ADGRB3: variants seen among roughly 807,000 people sequenced by gnomAD.
ADGRB3 encodes brain-specific angiogenesis inhibitor 3.
A neutral mutation model predicts 193.4 loss-of-function variants in ADGRB3; 37 were observed. That is an observed-to-expected ratio of 0.19 (90% CI 0.15 to 0.25). The LOEUF is 0.25. Among genes scored for constraint, ADGRB3 ranks in the 10% least tolerant of loss-of-function variants. ADGRB3 has a pLI of 1.00. For missense variants in ADGRB3, 1,637 were observed against 1,852.9 expected (o/e 0.88, Z 2.14); for synonymous variants, 690 against 644.2 (o/e 1.07, Z -1.08).
chr6:69,026,496 A>G (rs1205396842), intron 13 of ADGRB3, among the ~76,000 whole-genome samples: 1 of 152,146 alleles, frequency 6.6e-6, no homozygotes, highest in Non-Finnish European at 1.5e-5. Context: ...AGTGGGAGGA[A>G]ATGAAGTCAG....
At chr6:68,755,547 C>T (rs1481460492) in intron 3 of ADGRB3, among the ~76,000 whole-genome samples, 2 of 151,674 alleles carry the variant, frequency 1.3e-5, no homozygotes, top group Non-Finnish European at 2.9e-5. Flanking sequence ...TGACATAGAC[C>T]TGAAAAAAAG....
intron 3 of ADGRB3, among the ~76,000 whole-genome samples, chr6:68,734,927 G>A (rs1354357260): frequency 6.6e-6 from 1 of 151,794 alleles, no homozygotes; most frequent in Non-Finnish European, 1.5e-5. Flanking sequence ...TTTCTACTAG[G>A]GATTTCAGCA....
At position 69,254,755 on chromosome 6, in the gene ADGRB3, C is replaced by G. The variant is rs571717828; in HGVS notation, c.2814+15529C>G. On this transcript the variant is annotated intron_variant, in intron 20 of 31. Coordinates refer to ENST00000370598, the MANE Select transcript of ADGRB3 (RefSeq NM_001704.3). Reference sequence around the variant, plus strand: ...AAGTTTTAGGGTACATGTGCACAATCTGCAGGTTAGTTACATATGTATACA... The same window carrying G: ...AAGTTTTAGGGTACATGTGCACAATGTGCAGGTTAGTTACATATGTATACA... 3.6e-4 allele frequency among the ~76,000 whole-genome samples: 54 copies of G among 150,242 alleles called. No individual in the cohort carries two copies. The South Asian group carries it at 8.2e-3, about 23-fold the overall frequency.
intron 20 of ADGRB3, among the ~76,000 whole-genome samples, chr6:69,293,136 T>C (rs1486215160): frequency 6.6e-6 from 1 of 152,212 alleles, no homozygotes; most frequent in South Asian, 2.1e-4. Flanking sequence ...AGAAAGCCCA[T>C]ACATCTATGT....
intron 23 of ADGRB3, chr6:69,332,158 T>C (rs1768744581): frequency 2.0e-6 from 2 of 985,434 alleles, no homozygotes; most frequent in Non-Finnish European, 2.4e-6. Flanking sequence ...TCGGGGCTCA[T>C]CATAAGCTGG....
intron 17 of ADGRB3, among the ~76,000 whole-genome samples, chr6:69,096,513 C>A (rs1772882102): frequency 6.6e-6 from 1 of 151,810 alleles, no homozygotes; most frequent in South Asian, 2.1e-4. Context: ...TAAAAACTTC[C>A]CTGAATATTA....
chr6:69,279,071 GTATATATATATATATA>G (rs57824884), intron 20 of ADGRB3, among the ~76,000 whole-genome samples: 808 of 71,352 alleles, frequency 0.011, 13 homozygotes, highest in Middle Eastern at 0.02. Flanking sequence ...AAATACATAT[GTATATATATATATATA>G]TATATATATA....
chr6:69,181,194 C>T (rs1215216341), intron 17 of ADGRB3, among the ~76,000 whole-genome samples: 1 of 151,936 alleles, frequency 6.6e-6, no homozygotes, highest in Non-Finnish European at 1.5e-5. Context: ...TGGTGAATTC[C>T]AATTTTCCTT....
intron 3 of ADGRB3, among the ~76,000 whole-genome samples, chr6:68,779,246 G>GTA (rs1195335790): frequency 1.3e-5 from 2 of 151,364 alleles, no homozygotes; most frequent in African/African-American, 2.4e-5. Flanking sequence ...GTGTGTGTGT[G>GTA]TGTGTGTGTG....
intron 3 of ADGRB3, among the ~76,000 whole-genome samples, chr6:68,909,434 T>C (rs1444524636): frequency 6.6e-6 from 1 of 152,188 alleles, no homozygotes; most frequent in African/African-American, 2.4e-5. Context: ...TATTACTTTA[T>C]CTTCTACTTC....
chr6:68,796,079 T>G (rs1767201623), intron 3 of ADGRB3, among the ~76,000 whole-genome samples: 2 of 152,178 alleles, frequency 1.3e-5, no homozygotes, highest in African/African-American at 4.8e-5. Flanking sequence ...CAAGTATATT[T>G]TAGTTCAAAT....
chr6:69,010,784 A>C (rs2150283779), intron 11 of ADGRB3, among the ~76,000 whole-genome samples: 1 of 151,966 alleles, frequency 6.6e-6, no homozygotes, highest in South Asian at 2.1e-4. Context: ...AAAAAAAAAA[A>C]AAAAAATCAA....
intron 29 of ADGRB3, among the ~76,000 whole-genome samples, chr6:69,368,455 G>A (rs1428237593): frequency 6.6e-6 from 1 of 152,068 alleles, no homozygotes; most frequent in Non-Finnish European, 1.5e-5. Context: ...CAGAAAGGAA[G>A]GAAGGGTGAC....
intron 17 of ADGRB3, among the ~76,000 whole-genome samples, chr6:69,190,281 A>G (rs935649036): frequency 6.6e-6 from 1 of 152,118 alleles, no homozygotes; most frequent in Non-Finnish European, 1.5e-5. Context: ...TTCTAGTGAG[A>G]CAAGCTGTGG....
intron 3 of ADGRB3, among the ~76,000 whole-genome samples, chr6:68,835,611 T>C (rs1314556562): frequency 1.3e-5 from 2 of 152,150 alleles, no homozygotes; most frequent in Non-Finnish European, 2.9e-5. Flanking sequence ...TCAAATTTCA[T>C]CTCTTGTGTT....
intron 3 of ADGRB3, among the ~76,000 whole-genome samples, chr6:68,820,421 A>G (rs116811114): frequency 0.019 from 2,901 of 152,064 alleles, 90 homozygotes; most frequent in African/African-American, 0.066. Context: ...ATACAGATGG[A>G]GAATGTGTAA....
intron 30 of ADGRB3, among the ~76,000 whole-genome samples, chr6:69,379,835 A>G (rs937720724): frequency 4.6e-5 from 7 of 151,998 alleles, no homozygotes. Context: ...AAGTATTTGC[A>G]ATTAATGTTT....
chr6:69,006,214 T>G (rs1446648009), intron 11 of ADGRB3, among the ~76,000 whole-genome samples: 3 of 152,104 alleles, frequency 2.0e-5, no homozygotes, highest in African/African-American at 7.2e-5. Flanking sequence ...TGAGGTAGAG[T>G]TGAAGCCATA....
intron 3 of ADGRB3, among the ~76,000 whole-genome samples, chr6:68,926,153 A>C (rs1767174671): frequency 6.6e-6 from 1 of 152,108 alleles, no homozygotes; most frequent in Non-Finnish European, 1.5e-5. Context: ...CTAATGCAAA[A>C]TTTGTTTGTT....
Sources: allele counts gnomAD v4.1 joint callset (sites outside exome capture counted in the v4.1 genomes callset), GRCh38; gene constraint gnomAD v4.1.1; transcripts MANE v1.5; gene names NCBI Gene and HGNC (gene_info 2026-07-23, HGNC 2026-07-21).